Variants in NLRP2 observed in about 807,000 individuals in gnomAD.
The protein encoded by NLRP2 is NLR family pyrin domain containing 2.
In NLRP2, 107 loss-of-function variants were observed where a neutral mutation model predicts 97.2. The observed-to-expected ratio is 1.10, with a 90% CI of 0.94 to 1.29. The LOEUF (loss-of-function observed/expected upper bound fraction) is 1.29. Ranked by LOEUF, NLRP2 falls within the 50% of genes most tolerant of loss-of-function variation. NLRP2 has a pLI of 0.00. For synonymous variants in NLRP2, 663 were observed against 551.5 expected (o/e 1.20, Z -2.83); for missense variants, 1,495 against 1,330.3 (o/e 1.12, Z -1.93).
intron 3 of NLRP2, among the ~76,000 whole-genome samples, chr19:54,975,917 ATAT>A (rs1234517836): frequency 6.6e-6 from 1 of 151,010 alleles, no homozygotes; most frequent in Non-Finnish European, 1.5e-5. Context: ...CACCTGACTA[ATAT>A]TTGTATTTTT....
Position 54,985,066 on chromosome 19 carries a change from A to G in NLRP2, c.2050A>G (p.Met684Val), listed in dbSNP as rs140594282. Reference sequence around the variant, plus strand: ...CTATAGATCCCAGGATGATCAGCACATGCTTCCTTTCTGGACGGACCTTTG... The same window carrying G: ...CTATAGATCCCAGGATGATCAGCACGTGCTTCCTTTCTGGACGGACCTTTG... ...EVERSQDDQH[M>V]LPFWTDLCSI... The change falls in exon 7 of 13, where the codon ATG (methionine) becomes GTG (valine). Residue 684 changes from methionine (M) to valine (V), a missense_variant. Coordinates refer to ENST00000448584, the MANE Select transcript of NLRP2 (RefSeq NM_017852.5). 359 of 1,614,144 alleles carry G rather than the reference A, an allele frequency of 2.2e-4. No homozygotes were observed. The highest frequency in any genetic ancestry group is 2.7e-4 in the Non-Finnish European group (320 of 1,180,020).
rs202151550 is a variant in NLRP2, at chr19:54,986,249, A to T, written c.2300A>T (p.Gln767Leu). The T allele has an allele frequency of 9.9e-6, 16 of 1,614,066 alleles. No individual in the cohort carries two copies. The South Asian group carries it at 1.4e-4, about 14-fold the overall frequency. Reference protein sequence around the residue: ...VTYLTLQGNDQDDMFPALCEV... With the variant: ...VTYLTLQGNDLDDMFPALCEV... ...TATCTGACCCTTCAAGGCAATGACC[A>T]GGATGATATGTTTCCCGCATTGTGT... Residue 767 changes from glutamine (Q) to leucine (L), a missense_variant, in exon 8 of 13, where the codon CAG becomes CTG. Coordinates refer to ENST00000448584, the MANE Select transcript of NLRP2 (RefSeq NM_017852.5).
rs1254809655 is a variant in NLRP2 at position 54,982,245 on chromosome 19, C to T, written c.547C>T (p.Gln183Ter). ...CTGGCCTGGAGATAGCAAAGAGGTCCAGGTTATGGCTGAGAGATACAAGAT... is the reference window on the plus strand; with the variant it reads ...CTGGCCTGGAGATAGCAAAGAGGTCTAGGTTATGGCTGAGAGATACAAGAT... ...KSWPGDSKEV[Q>*]VMAERYKMLI... Residue 183 changes from glutamine (Q) to a stop codon, truncating the protein, a stop_gained, in exon 6 of 13, where the codon CAG (glutamine) becomes TAG (stop). Transcript: ENST00000448584. LOFTEE classifies it high-confidence loss of function. 4.3e-6 allele frequency: 7 copies of T among 1,613,938 alleles called. No homozygotes were observed. Among genetic ancestry groups the T allele is most frequent in the Admixed American group, 1.7e-5 (1 of 59,972 alleles).
intron 2 of NLRP2, among the ~76,000 whole-genome samples, chr19:54,971,258 T>G (rs541186494): frequency 0.013 from 1,891 of 150,198 alleles, 28 homozygotes; most frequent in African/African-American, 0.043. Context: ...TCTTTGCTAT[T>G]GTGAATAATG....
intron 8 of NLRP2, chr19:54,989,550 T>C (rs1377910001): frequency 1.2e-5 from 3 of 243,532 alleles, no homozygotes; most frequent in Admixed American, 5.1e-5. Flanking sequence ...AAGTTCTGTA[T>C]TTCCAGCTGA....
chr19:54,983,812 A>C (rs2071834029), intron 6 of NLRP2, 84 bp downstream of exon 6: 1 of 1,550,362 alleles, frequency 6.5e-7, no homozygotes, highest in Admixed American at 1.7e-5. Flanking sequence ...CCTCCTATGC[A>C]CTGTGGCTTA....
intron 4 of NLRP2, among the ~76,000 whole-genome samples, chr19:54,978,097 T>A (rs2071360585): frequency 6.6e-6 from 1 of 152,110 alleles, no homozygotes; most frequent in Non-Finnish European, 1.5e-5. Flanking sequence ...GTTTCTCTGT[T>A]GGCCAGGTTG....
At chr19:54,993,935 C>T in intron 10 of NLRP2, 1 of 420,192 alleles carries the variant, frequency 2.4e-6, no homozygotes, top group East Asian at 4.8e-5. Context: ...CCCTGGCTCC[C>T]TTATCACGTC....
chr19:54,990,756 A>T, intron 10 of NLRP2, 84 bp downstream of exon 10: 1 of 1,372,860 alleles, frequency 7.3e-7, no homozygotes, highest in Non-Finnish European at 1.0e-6. Flanking sequence ...GGTTATGAGA[A>T]CACTTAATTC....
chr19:54,984,335 T>G (rs1218176364), intron 6 of NLRP2, among the ~76,000 whole-genome samples: 59 of 104,692 alleles, frequency 5.6e-4, no homozygotes, highest in African/African-American at 1.8e-3. Flanking sequence ...TTGTGTTTTT[T>G]TTTTTTTTTT....
chr19:54,994,101 A>T, intron 10 of NLRP2, 168 bp from the exon 11 acceptor site: 1 of 741,662 alleles, frequency 1.3e-6, no homozygotes, highest in South Asian at 1.5e-5. Flanking sequence ...GGACTTGGAC[A>T]TCTTTAGGGG....
chr19:54,999,537 A>G (rs2073064761), intron 12 of NLRP2, among the ~76,000 whole-genome samples: 1 of 152,178 alleles, frequency 6.6e-6, no homozygotes, highest in African/African-American at 2.4e-5. Context: ...TATTAGAGCT[A>G]TAGCCCAGCT....
At chr19:54,974,946 C>T (rs563592863) in intron 3 of NLRP2, among the ~76,000 whole-genome samples, 46 of 151,736 alleles carry the variant, frequency 3.0e-4, no homozygotes, top group African/African-American at 1.0e-3. Context: ...ATTACAGGTA[C>T]CTGCCACCAG....
chr19:54,996,500 CAA>C (rs2072832405), intron 11 of NLRP2, among the ~76,000 whole-genome samples: 1 of 152,138 alleles, frequency 6.6e-6, no homozygotes, highest in Admixed American at 6.6e-5. Flanking sequence ...AAGACTGTCT[CAA>C]AGAATAACTT....
Position 54,982,897 on chromosome 19 carries a change from T to G in NLRP2, c.1199T>G (p.Val400Gly). The change falls in exon 6 of 13, where the codon GTG (valine) becomes GGG (glycine). Residue 400 changes from valine to glycine, a missense_variant. Transcript: ENST00000448584. ...TTCCAGCTGGGCTCGGCCCCCGCGG[T>G]GTGCTGGATCGTGTGCACGACTCTG... ...ALFQLGSAPA[V>G]CWIVCTTLKL... The G allele has an allele frequency of 1.2e-6, 2 of 1,613,020 alleles. No homozygotes were observed. The highest frequency in any genetic ancestry group is 1.7e-6 in the Non-Finnish European group (2 of 1,179,970).
chr19:54,966,350 A>G (rs915067960), upstream of NLRP2: 12 of 151,496 alleles, frequency 7.9e-5, no homozygotes, highest in African/African-American at 2.9e-4. Context: ...GGAAGTGCTC[A>G]GCAACGATTA....
At position 54,986,256 on chromosome 19, in the gene NLRP2, T is replaced by TA. The variant is rs1167121419; in HGVS notation, c.2308dup (p.Met770AsnfsTer7). ...CCCTTCAAGGCAATGACCAGGATGATATGTTTCCCGCATTGTGTGAGGTCT... is the reference window on the plus strand; with the variant it reads ...CCCTTCAAGGCAATGACCAGGATGATAATGTTTCCCGCATTGTGTGAGGTCT... On this transcript the variant is annotated frameshift_variant, in exon 8 of 13. Coordinates refer to ENST00000448584, the MANE Select transcript of NLRP2 (RefSeq NM_017852.5). LOFTEE classifies it high-confidence loss of function. 6.2e-7 allele frequency: 1 copy of TA among 1,613,932 alleles called. No homozygotes were observed.
chr19:54,998,885 C>T (rs1347906784), intron 12 of NLRP2, among the ~76,000 whole-genome samples: 3 of 151,190 alleles, frequency 2.0e-5, no homozygotes, highest in Non-Finnish European at 2.9e-5. Context: ...ATATCTTGCA[C>T]CGCCCTTAAT....
intron 3 of NLRP2, chr19:54,976,742 T>C: frequency 2.4e-6 from 1 of 425,312 alleles, no homozygotes; most frequent in Admixed American, 2.9e-5. Context: ...AGGAGTTCCA[T>C]GGACTCACCT....
Sources: gnomAD v4.1 joint callset for allele counts (sites outside exome capture counted in the v4.1 genomes callset) on GRCh38, gnomAD v4.1.1 for gene constraint, MANE v1.5 for transcripts, NCBI Gene and HGNC (gene_info 2026-07-23, HGNC 2026-07-21) for gene names.